The following TTC22 variants were observed in gnomAD, a reference collection of about 807,000 sequenced individuals.
TTC22 encodes the protein tetratricopeptide repeat protein 22.
Under a neutral mutation model 48.2 loss-of-function variants are expected in TTC22, and 42 were observed. The observed-to-expected ratio is 0.87, with a 90% CI of 0.68 to 1.13. The LOEUF is 1.13. TTC22 is among the 50% of genes most tolerant of loss of function. The probability of loss-of-function intolerance (pLI) is 0.00; values close to 1 mark genes in which losing one functional copy is unlikely to be tolerated. For synonymous variants in TTC22, 345 were observed against 365.5 expected (o/e 0.94, Z 0.64); for missense variants, 784 against 807.0 (o/e 0.97, Z 0.34).
intron 4 of TTC22, 49 bp from the exon 5 acceptor site, chr1:54,786,193 C>T (rs776029068): frequency 6.3e-7 from 1 of 1,582,308 alleles, no homozygotes; most frequent in Non-Finnish European, 8.7e-7. Context: ...GGTCATTAGC[C>T]AGAGCTGGCT....
At chr1:54,789,953 G>C (rs1646337606) in intron 1 of TTC22, among the ~76,000 whole-genome samples, 1 of 152,248 alleles carries the variant, frequency 6.6e-6, no homozygotes, top group African/African-American at 2.4e-5. Context: ...CATGCAGCCA[G>C]AGGGCTGGAA....
At chr1:54,787,656 C>T (rs1013216750) in intron 3 of TTC22, 55 bp downstream of exon 3, 80 of 1,329,436 alleles carry the variant, frequency 6.0e-5, no homozygotes, top group Middle Eastern at 1.9e-4. Context: ...GCAATGCCAG[C>T]GGGCTGTTGG....
At chr1:54,784,488 G>T in intron 5 of TTC22, 1 of 958,986 alleles carries the variant, frequency 1.0e-6, no homozygotes, top group Non-Finnish European at 1.2e-6. Context: ...TTTGTAGGAT[G>T]GACATGTCCG....
At position 54,781,753 on chromosome 1, in the gene TTC22, C is replaced by T. The variant is rs1179373279; in HGVS notation, c.1200G>A (p.Ala400=). 1 of 1,497,356 alleles carries T rather than the reference C, an allele frequency of 6.7e-7. No homozygotes were observed. The highest frequency in any genetic ancestry group is 2.2e-5 in the Admixed American group (1 of 46,388). 92.8% of individuals were successfully genotyped at this position (1,497,356 alleles called of 1,614,324 possible). ...CGTCCACCGCCAGCAGCTCCTGCAC[C>T]GCGTCCACGCCCATATAGTAGTAGA... The part of the protein sequence containing the change: ...GQVYYYMGVD[A]VQELLAVDEA... The change falls in exon 7 of 7, where the codon GCG becomes GCA. Residue 400 remains alanine, a synonymous_variant. Coordinates refer to ENST00000371276, the MANE Select transcript of TTC22 (RefSeq NM_001114108.2).
rs986410284 is a variant in TTC22 at position 54,790,001 on chromosome 1, G to A, written c.568-1904C>T. Among the ~76,000 whole-genome samples, 8 of 152,290 alleles carry A rather than the reference G, an allele frequency of 5.3e-5. No homozygotes were observed. The East Asian group carries it at 7.7e-4, about 15-fold the overall frequency. ...GGAGTGGAGGGAAGAGCCAGCAGGC[G>A]CATAATCAGGAGGGGCCCCTGAGTA... On this transcript the variant is annotated intron_variant, in intron 1 of 6. Transcript: ENST00000371276.
intron 5 of TTC22, chr1:54,784,651 G>A (rs887715791): frequency 4.5e-6 from 5 of 1,119,078 alleles, no homozygotes; most frequent in East Asian, 8.8e-5. Flanking sequence ...CGACAGTGAA[G>A]GAATTTCACT....
At chr1:54,799,955 G>T (rs990498994) in intron 1 of TTC22, among the ~76,000 whole-genome samples, 5 of 152,214 alleles carry the variant, frequency 3.3e-5, no homozygotes, top group Admixed American at 6.5e-5. Context: ...GCTAAGCACT[G>T]ATTTGAAGTG....
intron 4 of TTC22, 82 bp from the exon 5 acceptor site, chr1:54,786,226 C>T (rs1216419297): frequency 1.5e-6 from 2 of 1,335,050 alleles, no homozygotes; most frequent in African/African-American, 1.5e-5. Context: ...ACCACAGGAA[C>T]CCCATCTTTG....
At chr1:54,799,709 G>T (rs1646418665) in intron 1 of TTC22, among the ~76,000 whole-genome samples, 1 of 152,208 alleles carries the variant, frequency 6.6e-6, no homozygotes, top group Non-Finnish European at 1.5e-5. Context: ...GCAATCAGTG[G>T]TCATGTCTAC....
chr1:54,784,747 T>C, intron 5 of TTC22: 1 of 1,289,570 alleles, frequency 7.8e-7, no homozygotes, highest in South Asian at 1.3e-5. Context: ...TGGATAGTAG[T>C]GGAGAAGATG....
At chr1:54,788,176 A>G in intron 1 of TTC22, 79 bp from the exon 2 acceptor site, 1 of 1,385,116 alleles carries the variant, frequency 7.2e-7, no homozygotes, top group South Asian at 1.2e-5. Context: ...CACTCACTGA[A>G]CCCCAAGAGG....
intron 1 of TTC22, among the ~76,000 whole-genome samples, chr1:54,792,102 T>C (rs1322479176): frequency 6.6e-6 from 1 of 152,264 alleles, no homozygotes; most frequent in African/African-American, 2.4e-5. Flanking sequence ...CTGGTGGCAC[T>C]ATGCCTGAAT....
chr1:54,799,591 C>T (rs955225058), intron 1 of TTC22, among the ~76,000 whole-genome samples: 8 of 152,180 alleles, frequency 5.3e-5, no homozygotes, highest in African/African-American at 1.7e-4. Flanking sequence ...CTGTCATGAC[C>T]GCATTCAACA....
intron 1 of TTC22, among the ~76,000 whole-genome samples, chr1:54,792,273 G>A (rs1646357761): frequency 1.3e-5 from 2 of 152,254 alleles, no homozygotes; most frequent in South Asian, 2.1e-4. Context: ...GAGGGCTTGT[G>A]GGGTTGCAGA....
intron 1 of TTC22, among the ~76,000 whole-genome samples, chr1:54,793,398 G>A (rs1026203816): frequency 6.6e-6 from 1 of 152,158 alleles, no homozygotes; most frequent in Admixed American, 6.5e-5. Flanking sequence ...GGAAACTGAG[G>A]CTGACAGAAG....
chr1:54,800,404 C>G (rs746009198), intron 1 of TTC22, among the ~76,000 whole-genome samples, 193 bp downstream of exon 1: 19 of 152,152 alleles, frequency 1.2e-4, no homozygotes, highest in Non-Finnish European at 2.5e-4. Context: ...CACTAGGAAG[C>G]GGTTCCACTC....
rs1646259551 is a variant in TTC22 at position 54,781,293 on chromosome 1, C to G, written c.1660G>C (p.Glu554Gln). ...VRLLFETMER[E>Q]GEGASAPRDR... ...CGCGGCGCGCTGGCGCCCTCGCCCT[C>G]GCGCTCCATGGTCTCGAAGAGCAGC... The change falls in exon 7 of 7, where the codon GAG (glutamate) becomes CAG (glutamine). Residue 554 changes from glutamate to glutamine, a missense_variant. Glu to Gln is a conservative substitution (Grantham distance 29). Coordinates refer to ENST00000371276, the MANE Select transcript of TTC22 (RefSeq NM_001114108.2). 1.4e-6 allele frequency: 2 copies of G among 1,476,290 alleles called. No individual in the cohort carries two copies. The highest frequency in any genetic ancestry group is 5.9e-5 in the East Asian group (2 of 33,922). 91.4% of individuals were successfully genotyped at this position (1,476,290 alleles called of 1,614,324 possible).
chr1:54,799,016 A>G (rs1646412566), intron 1 of TTC22, among the ~76,000 whole-genome samples: 1 of 152,158 alleles, frequency 6.6e-6, no homozygotes, highest in Non-Finnish European at 1.5e-5. Context: ...TTGAGCACCT[A>G]CTCTGCCAGG....
At position 54,798,370 on chromosome 1, in the gene TTC22, C is replaced by T. The variant is rs182246247; in HGVS notation, c.567+2227G>A. 3.9e-5 allele frequency among the ~76,000 whole-genome samples: 6 copies of T among 152,352 alleles called. No individual in the cohort carries two copies. In the East Asian group the frequency reaches 9.7e-4, roughly 25 times the overall value. On this transcript the variant is annotated intron_variant, in intron 1 of 6. Coordinates refer to ENST00000371276, the MANE Select transcript of TTC22 (RefSeq NM_001114108.2). ...GTGTTCCCTCTCTGCCTCAGTCACTCCCACTTTATCCACAGGGCCCGGACT... is the reference window on the plus strand; with the variant it reads ...GTGTTCCCTCTCTGCCTCAGTCACTTCCACTTTATCCACAGGGCCCGGACT...
Sources: allele counts gnomAD v4.1 joint callset (sites outside exome capture counted in the v4.1 genomes callset), GRCh38; gene constraint gnomAD v4.1.1; transcripts MANE v1.5; gene names NCBI Gene and HGNC (gene_info 2026-07-23, HGNC 2026-07-21).